Variants in ZNF44 observed in about 807,000 individuals in gnomAD.
ZNF44 encodes zinc finger protein 44.
ZNF44 carries 9 observed loss-of-function variants against 11.7 expected under a neutral mutation model. That is an observed-to-expected ratio of 0.77 (90% CI 0.46 to 1.35). ZNF44 has a LOEUF of 1.35. ZNF44 is among the 40% of genes most tolerant of loss of function. ZNF44 has a pLI of 0.00. For synonymous variants in ZNF44, 224 were observed against 242.7 expected, an observed-to-expected ratio of 0.92 and a Z score of 0.72; for missense variants, 696 against 743.1, an observed-to-expected ratio of 0.94 and a Z score of 0.74.
At chr19:12,231,809 AC>A (rs1456370622) in intron 2 of ZNF44, among the ~76,000 whole-genome samples, 2 of 152,230 alleles carry the variant, frequency 1.3e-5, no homozygotes, top group Non-Finnish European at 2.9e-5. Context: ...TTGTCCCTGG[AC>A]TTTTTTGAGA....
chr19:12,268,177 C>CACACAA (rs750205576), downstream of ZNF44, among the ~76,000 whole-genome samples: 1 of 142,354 alleles, frequency 7.0e-6, no homozygotes, highest in Non-Finnish European at 1.5e-5. Flanking sequence ...CACACACACA[C>CACACAA]ACACAAGCTC....
At chr19:12,271,034 C>T (rs1457915368), downstream of ZNF44, among the ~76,000 whole-genome samples, 1 of 145,806 alleles carries the variant, frequency 6.9e-6, no homozygotes, top group Non-Finnish European at 1.5e-5. Context: ...AAATCCTCTA[C>T]AAGTGATGAT....
chr19:12,231,981 C>T (rs1462722983), intron 2 of ZNF44, among the ~76,000 whole-genome samples: 1 of 152,190 alleles, frequency 6.6e-6, no homozygotes, highest in Non-Finnish European at 1.5e-5. Context: ...TCCCGCCAGC[C>T]TCTGAGTTCC....
At chr19:12,250,674 T>G in intron 5 of ZNF44, 1 of 422,914 alleles carries the variant, frequency 2.4e-6, no homozygotes, top group Admixed American at 2.8e-5. Context: ...CAATTCTTTG[T>G]GAGAAAAACT....
At chr19:12,247,548 C>A, downstream of ZNF44, 3 of 1,348,400 alleles carry the variant, frequency 2.2e-6, no homozygotes, top group South Asian at 1.2e-5. Flanking sequence ...AGTGTGGGTT[C>A]TTTCATGTAT....
intron 1 of ZNF44, among the ~76,000 whole-genome samples, chr19:12,288,817 ACCC>A (rs1454599351): frequency 1.8e-5 from 2 of 110,362 alleles, no homozygotes; most frequent in Non-Finnish European, 3.5e-5. Flanking sequence ...AAATCACCTG[ACCC>A]CCACCACCAT....
At chr19:12,249,424 T>G (rs1382371562) in intron 7 of ZNF44, among the ~76,000 whole-genome samples, 1 of 142,606 alleles carries the variant, frequency 7.0e-6, no homozygotes, top group African/African-American at 2.6e-5. Context: ...GAGAATGGTG[T>G]GAACCCAAGA....
chr19:12,256,048 A>AC (rs1917243261), intron 5 of ZNF44, among the ~76,000 whole-genome samples: 1 of 136,038 alleles, frequency 7.4e-6, no homozygotes, highest in Non-Finnish European at 1.5e-5. Flanking sequence ...AAAAAAAAAA[A>AC]AAAAAAAAAA....
upstream of ZNF44, among the ~76,000 whole-genome samples, chr19:12,239,568 ATTTTTTTTTTTTTT>A (rs1158604076): frequency 1.3e-5 from 1 of 76,070 alleles, no homozygotes; most frequent in African/African-American, 4.3e-5. Context: ...CCCAAGTTGC[ATTTTTTTTTTTTTT>A]TTTTTTTTTT....
chr19:12,273,948 A>G lies in ZNF44; in HGVS notation c.307T>C (p.Cys103Arg), dbSNP rs754906304. The change falls in exon 4 of 4, where the codon TGT (cysteine) becomes CGT (arginine). Residue 103 changes from cysteine to arginine, a missense_variant. Cys to Arg is a radical substitution (Grantham distance 180). Transcript: ENST00000355684. The stretch of plus-strand genomic sequence containing the variant: ...ACTTCTCCATTCACACTGCTTCCAC[A>G]TGCATCTACTCTGGCGGGAGTGTTC... ...NKNTPARVDA[C>R]GSSVNGEVIM... 3.1e-6 allele frequency: 5 copies of G among 1,614,170 alleles called. No individual in the cohort carries two copies. The highest frequency in any genetic ancestry group is 4.2e-6 in the Non-Finnish European group (5 of 1,180,042).
downstream of ZNF44, among the ~76,000 whole-genome samples, chr19:12,244,072 CATT>C (rs1181135276): frequency 6.6e-6 from 1 of 152,100 alleles, no homozygotes; most frequent in Admixed American, 6.5e-5. Context: ...AGAGGGGTCT[CATT>C]ATGTTACCCA....
intron 1 of ZNF44, among the ~76,000 whole-genome samples, chr19:12,236,108 AG>A (rs1285629087): frequency 6.6e-6 from 1 of 152,240 alleles, no homozygotes; most frequent in East Asian, 1.9e-4. Context: ...AAGGACAAAT[AG>A]TTGATAATAT....
chr19:12,266,500 G>A (rs1006567785), intron 5 of ZNF44, among the ~76,000 whole-genome samples: 2 of 152,178 alleles, frequency 1.3e-5, no homozygotes, highest in African/African-American at 4.8e-5. Flanking sequence ...TGTTGGCACG[G>A]CCCCGCCCTC....
intron 1 of ZNF44, among the ~76,000 whole-genome samples, chr19:12,283,422 G>A (rs998419557): frequency 2.6e-5 from 4 of 152,010 alleles, no homozygotes; most frequent in African/African-American, 4.8e-5. Context: ...TCCGCCTCCC[G>A]AGTTCATGCC....
intron 1 of ZNF44, among the ~76,000 whole-genome samples, chr19:12,279,964 T>C (rs1182645372): frequency 2.0e-5 from 3 of 151,488 alleles, no homozygotes; most frequent in African/African-American, 7.3e-5. Context: ...CACATATATA[T>C]GAAGAGTGTT....
At chr19:12,252,878 C>CTTTTTTTTTTTTT (rs753388314) in intron 5 of ZNF44, among the ~76,000 whole-genome samples, 1 of 78,642 alleles carries the variant, frequency 1.3e-5, no homozygotes, top group Non-Finnish European at 2.3e-5. Flanking sequence ...CTACAAGAAA[C>CTTTTTTTTTTTTT]TTTTTTTTTT....
At chr19:12,260,520 G>A (rs879199270) in intron 5 of ZNF44, 3 of 1,080,304 alleles carry the variant, frequency 2.8e-6, no homozygotes, top group Admixed American at 2.1e-5. Flanking sequence ...GCGGACCCGC[G>A]CCACCAAGAG....
In ZNF44 at chr19:12,273,804, T is replaced by G. The variant is rs1967089812; in HGVS notation, c.451A>C (p.Ser151Arg). 1.2e-6 allele frequency: 2 copies of G among 1,614,052 alleles called. No homozygotes were observed. The highest frequency in any genetic ancestry group is 8.5e-7 in the Non-Finnish European group (1 of 1,179,990). ...CATGTTTGAAAGGAGTGGCGATAACTTAAGCCTTTCCCACACTGCTTATGT... is the reference window on the plus strand; with the variant it reads ...CATGTTTGAAAGGAGTGGCGATAACGTAAGCCTTTCCCACACTGCTTATGT... ...YTHKQCGKGL[S>R]YRHSFQTCER... Residue 151 changes from serine (S) to arginine (R), a missense_variant, in exon 4 of 4, where the codon AGT (serine) becomes CGT (arginine). Ser to Arg is a moderately radical substitution (Grantham distance 110). Coordinates refer to ENST00000355684, the MANE Select transcript of ZNF44 (RefSeq NM_016264.4).
At chr19:12,258,904 T>C (rs543231751) in intron 5 of ZNF44, among the ~76,000 whole-genome samples, 1 of 152,228 alleles carries the variant, frequency 6.6e-6, no homozygotes, top group Non-Finnish European at 1.5e-5. Context: ...GGCTGTTGTC[T>C]CACCCTGTCA....
Sources: allele counts gnomAD v4.1 joint callset (sites outside exome capture counted in the v4.1 genomes callset), GRCh38; gene constraint gnomAD v4.1.1; transcripts MANE v1.5; gene names NCBI Gene and HGNC (gene_info 2026-07-23, HGNC 2026-07-21).